The following RPN2 variants were observed in gnomAD, a reference collection of about 807,000 sequenced individuals.
The protein encoded by RPN2 is ribophorin II, also known as dolichyl-diphosphooligosaccharide--protein glycosyltransferase subunit 2.
A neutral mutation model predicts 71.4 loss-of-function variants in RPN2; 29 were observed. The observed-to-expected ratio is 0.41, with a 90% CI of 0.30 to 0.55. The LOEUF (loss-of-function observed/expected upper bound fraction) is 0.55. Ranked by LOEUF, RPN2 falls within the 20% of genes least tolerant of loss-of-function variation. The pLI, the probability that RPN2 is intolerant of heterozygous loss-of-function variation, is 0.35. For missense variants in RPN2, 726 were observed against 774.1 expected, an observed-to-expected ratio of 0.94 and a Z score of 0.74; for synonymous variants, 308 against 305.0, an observed-to-expected ratio of 1.01 and a Z score of -0.10.
chr20:37,199,357 C>T, intron 4 of RPN2, 132 bp downstream of exon 4: 7 of 1,126,668 alleles, frequency 6.2e-6, no homozygotes, highest in Non-Finnish European at 9.0e-6. Flanking sequence ...GCCAGGTGCT[C>T]TGCAAGGCAC....
intron 16 of RPN2, among the ~76,000 whole-genome samples, chr20:37,240,647 G>T (rs572712792): frequency 6.6e-6 from 1 of 152,288 alleles, no homozygotes; most frequent in African/African-American, 2.4e-5. Context: ...TTCATTCATT[G>T]TGCTTCCCCA....
At chr20:37,199,363 G>T in intron 4 of RPN2, 138 bp downstream of exon 4, 2 of 1,084,208 alleles carry the variant, frequency 1.8e-6, no homozygotes. Context: ...TGCTCTGCAA[G>T]GCACCGCAGA....
chr20:37,218,323 G>A (rs759719260), intron 9 of RPN2, among the ~76,000 whole-genome samples: 8 of 73,440 alleles, frequency 1.1e-4, no homozygotes, highest in Admixed American at 3.0e-4. Flanking sequence ...TGAGGCAAGC[G>A]GATCCCTTGA....
At chr20:37,224,038 C>G in intron 10 of RPN2, 69 bp downstream of exon 10, 5 of 1,305,408 alleles carry the variant, frequency 3.8e-6, no homozygotes, top group Non-Finnish European at 5.5e-6. Context: ...TGCCTAGGCA[C>G]TGAGCCCTGC....
intron 13 of RPN2, among the ~76,000 whole-genome samples, chr20:37,231,318 A>G (rs1258047213): frequency 6.6e-6 from 1 of 152,032 alleles, no homozygotes; most frequent in Non-Finnish European, 1.5e-5. Flanking sequence ...AGGTCACACT[A>G]TCTAGGTGAG....
At chr20:37,233,330 A>G (rs1484650932) in intron 14 of RPN2, among the ~76,000 whole-genome samples, 1 of 152,120 alleles carries the variant, frequency 6.6e-6, no homozygotes, top group Non-Finnish European at 1.5e-5. Flanking sequence ...TTTCAGTACC[A>G]TTTGAATTTT....
chr20:37,213,416 C>T (rs1272146081), intron 8 of RPN2, among the ~76,000 whole-genome samples: 1 of 152,116 alleles, frequency 6.6e-6, no homozygotes, highest in Non-Finnish European at 1.5e-5. Context: ...TCTCAGGACC[C>T]TGTCTCTACA....
At position 37,203,795 on chromosome 20, in the gene RPN2, G is replaced by C. The variant is rs148746179; in HGVS notation, c.480-90G>C. ...CTTGTACTTCTAAAGAACAAGAGTA[G>C]GATATTTGTGAAAGTGTCCAAGTAC... is the stretch of plus-strand genomic sequence containing the variant. On this transcript the variant is annotated intron_variant, in intron 4 of 16. Coordinates refer to ENST00000237530, the MANE Select transcript of RPN2 (RefSeq NM_002951.5). The C allele has an allele frequency of 7.1e-4, 633 of 887,260 alleles. 3 individuals carry two copies. The East Asian group carries it at 0.015, about 21-fold the overall frequency. 55.0% of individuals were successfully genotyped at this position (887,260 alleles called of 1,614,324 possible).
chr20:37,189,759 A>G (rs1461992199), intron 2 of RPN2, among the ~76,000 whole-genome samples: 1 of 152,222 alleles, frequency 6.6e-6, no homozygotes, highest in Non-Finnish European at 1.5e-5. Context: ...ACCTCACTGA[A>G]TCATTGTAAG....
rs537048425 is a variant in RPN2 at position 37,198,380 on chromosome 20, T to C, written c.208-17T>C. The C allele has an allele frequency of 1.2e-5, 19 of 1,614,226 alleles. No individual in the cohort carries two copies. In the African/African-American group the frequency reaches 2.4e-4, roughly 20 times the overall value. On this transcript the variant is annotated splice_polypyrimidine_tract_variant and intron_variant, in intron 2 of 16. Coordinates refer to ENST00000237530, the MANE Select transcript of RPN2 (RefSeq NM_002951.5). ...ACATGTGTCACCACTTAACATTGAC[T>C]TTTCCCCACTGTGTAGAAAGCATGT... is the stretch of plus-strand genomic sequence containing the variant.
At chr20:37,184,018 G>A in intron 1 of RPN2, 162 bp from the exon 2 acceptor site, 1 of 775,322 alleles carries the variant, frequency 1.3e-6, no homozygotes, top group African/African-American at 1.7e-5. Context: ...TTGAAGAGCA[G>A]GCTCCCTGCC....
intron 15 of RPN2, among the ~76,000 whole-genome samples, chr20:37,234,915 G>A (rs1439069598): frequency 6.6e-6 from 1 of 152,140 alleles, no homozygotes; most frequent in African/African-American, 2.4e-5. Flanking sequence ...CTAGGCTCAA[G>A]CAGTCTTCCC....
chr20:37,211,964 C>T (rs2067683152), intron 8 of RPN2, among the ~76,000 whole-genome samples: 1 of 152,098 alleles, frequency 6.6e-6, no homozygotes, highest in Non-Finnish European at 1.5e-5. Flanking sequence ...TCTTGAACTG[C>T]CTCAGCCTCC....
intron 11 of RPN2, among the ~76,000 whole-genome samples, chr20:37,227,890 C>T (rs913109236): frequency 4.6e-5 from 7 of 152,192 alleles, no homozygotes; most frequent in Admixed American, 4.6e-4. Context: ...TGCACTAATG[C>T]TTAGCATATG....
chr20:37,230,559 C>A (rs1174034673), intron 13 of RPN2, among the ~76,000 whole-genome samples: 1 of 152,170 alleles, frequency 6.6e-6, no homozygotes, highest in Admixed American at 6.5e-5. Flanking sequence ...TGAAATGTTT[C>A]TAAAGCCCTT....
At chr20:37,201,109 A>G (rs2067377680) in intron 4 of RPN2, among the ~76,000 whole-genome samples, 1 of 151,528 alleles carries the variant, frequency 6.6e-6, no homozygotes, top group African/African-American at 2.4e-5. Context: ...ACAGGATTAA[A>G]TGAGATAATA....
At chr20:37,195,074 G>A (rs376361549) in intron 2 of RPN2, among the ~76,000 whole-genome samples, 2 of 152,156 alleles carry the variant, frequency 1.3e-5, no homozygotes, top group Admixed American at 1.3e-4. Context: ...AGCACAGAAA[G>A]TTGGAAGCAA....
chr20:37,179,518 G>A (rs1280276903), intron 1 of RPN2, 149 bp downstream of exon 1: 2 of 1,408,178 alleles, frequency 1.4e-6, no homozygotes, highest in Non-Finnish European at 1.9e-6. Context: ...CGGATCGAGG[G>A]TCCGAAGGAG....
At chr20:37,201,760 A>G (rs2067396598) in intron 4 of RPN2, among the ~76,000 whole-genome samples, 1 of 152,220 alleles carries the variant, frequency 6.6e-6, no homozygotes, top group South Asian at 2.1e-4. Context: ...TTGCGCTATT[A>G]AAGGCAAGCT....
Sources: gnomAD v4.1 joint callset for allele counts (sites outside exome capture counted in the v4.1 genomes callset) on GRCh38, gnomAD v4.1.1 for gene constraint, MANE v1.5 for transcripts, NCBI Gene and HGNC (gene_info 2026-07-23, HGNC 2026-07-21) for gene names.